Variants in IL17RC observed in about 807,000 individuals in gnomAD.
IL17RC encodes the protein interleukin 17 receptor C.
Under a neutral mutation model 86.7 loss-of-function variants are expected in IL17RC, and 53 were observed. That is an observed-to-expected ratio of 0.61 (90% CI 0.49 to 0.77). The LOEUF (loss-of-function observed/expected upper bound fraction) is 0.77, where lower values mean the gene tolerates loss of function less well. Ranked by LOEUF, IL17RC falls within the 30% of genes least tolerant of loss-of-function variation. IL17RC has a pLI of 0.00. For synonymous variants in IL17RC, 439 were observed against 413.1 expected, an observed-to-expected ratio of 1.06 and a Z score of -0.76; for missense variants, 957 against 940.0, an observed-to-expected ratio of 1.02 and a Z score of -0.24.
Position 9,932,599 on chromosome 3 carries a change from G to A in IL17RC, c.1388-9G>A. 6.2e-7 allele frequency: 1 copy of A among 1,612,730 alleles called. No homozygotes were observed. Among genetic ancestry groups the A allele is most frequent in the Non-Finnish European group, 8.5e-7 (1 of 1,178,722 alleles). ...TAAGTTTCTAACTCTTCTTCTCTGG[G>A]TCTCCCAGACATCCACAAGCGCTGG... On this transcript the variant is annotated splice_polypyrimidine_tract_variant and intron_variant, in intron 16 of 18. Coordinates refer to ENST00000403601, the MANE Select transcript of IL17RC (RefSeq NM_153460.4).
intron 6 of IL17RC, 69 bp downstream of exon 6, chr3:9,920,671 C>A (rs1254057701): frequency 1.8e-6 from 2 of 1,082,598 alleles, no homozygotes; most frequent in African/African-American, 1.6e-5. Flanking sequence ...CCTGATTTCA[C>A]CCTCTTCTAG....
chr3:9,931,475 A>ATATATATATATG (rs1362909688), intron 16 of IL17RC, among the ~76,000 whole-genome samples: 3 of 12,836 alleles, frequency 2.3e-4, no homozygotes, highest in African/African-American at 3.4e-4. Context: ...ACACACATAT[A>ATATATATATATG]TATATATATA....
chr3:9,931,027 A>G, intron 16 of IL17RC, 84 bp downstream of exon 16: 2 of 1,053,214 alleles, frequency 1.9e-6, no homozygotes, highest in Non-Finnish European at 3.0e-6. Flanking sequence ...AGCACATGCA[A>G]TGGCCTTGTC....
chr3:9,929,907 G>A lies in IL17RC; in HGVS notation c.1156+10G>A. 6.2e-7 allele frequency: 1 copy of A among 1,614,134 alleles called. No individual in the cohort carries two copies. The highest frequency in any genetic ancestry group is 8.5e-7 in the Non-Finnish European group (1 of 1,179,994). ...GAGTGCTTGTGGGCTGGTGAGTTGG[G>A]CCTGGGGGCAGCTGGGGCAGGGCCA... On this transcript the variant is annotated intron_variant, in intron 13 of 18. Transcript: ENST00000403601.
chr3:9,927,659 G>C (rs570157490), intron 9 of IL17RC, among the ~76,000 whole-genome samples: 7 of 152,094 alleles, frequency 4.6e-5, no homozygotes, highest in African/African-American at 1.7e-4. Context: ...CTGTTGAATG[G>C]GCCAGGCGCG....
chr3:9,933,404 A>T lies in IL17RC; in HGVS notation c.1974A>T (p.Gln658His). The change falls in exon 19 of 19, where the codon CAA (glutamine) becomes CAT (histidine). Residue 658 changes from glutamine (Q) to histidine (H), a missense_variant. Coordinates refer to ENST00000403601, the MANE Select transcript of IL17RC (RefSeq NM_153460.4). ...TGCCCGTCTTCACACTGCCCTCCCA[A>T]CTGCCAGACTTCCTGGGGGCCCTGC... ...RTVPVFTLPS[Q>H]LPDFLGALQQ... 1 of 1,613,068 alleles carries T rather than the reference A, an allele frequency of 6.2e-7. No individual in the cohort carries two copies. Among genetic ancestry groups the T allele is most frequent in the South Asian group, 1.1e-5 (1 of 91,020 alleles).
At chr3:9,918,104 G>A in intron 3 of IL17RC, 29 bp downstream of exon 3, 1 of 1,552,578 alleles carries the variant, frequency 6.4e-7, no homozygotes, top group Non-Finnish European at 8.7e-7. Context: ...GACAGTGCAT[G>A]TGTACACGTG....
chr3:9,931,470 C>CACACACACACACACACACACACACAT (rs750351615), intron 16 of IL17RC, among the ~76,000 whole-genome samples: 1 of 43,728 alleles, frequency 2.3e-5, no homozygotes, highest in African/African-American at 5.0e-5. Context: ...CACACACACA[C>CACACACACACACACACACACACACAT]ATATATATAT....
Position 9,930,064 on chromosome 3 carries a change from T to G in IL17RC, c.1193T>G (p.Leu398Trp). ...CCTCTCAAAGACGATGTGCTACTGT[T>G]GGAGACACGAGGCCCCCAGGACAAC... ...LGPLKDDVLL[L>W]ETRGPQDNRS... Residue 398 changes from leucine to tryptophan, a missense_variant, in exon 14 of 19, where the codon TTG becomes TGG. Transcript: ENST00000403601. The surrounding 1 kb of genome is among the most constrained non-coding windows in gnomAD (Gnocchi z 5.8). 1.2e-6 allele frequency: 2 copies of G among 1,614,116 alleles called. No individual in the cohort carries two copies. The highest frequency in any genetic ancestry group is 1.7e-6 in the Non-Finnish European group (2 of 1,179,998).
At position 9,917,274 on chromosome 3, in the gene IL17RC, A is replaced by C; in HGVS notation, c.-42A>C. On this transcript the variant is annotated 5_prime_UTR_variant, in exon 1 of 19. Coordinates refer to ENST00000403601, the MANE Select transcript of IL17RC (RefSeq NM_153460.4). ...GTGTCTGCCCCCCTTGGGGGGGGGCAGCACAGGGCCTCAGGCCTGGGTGCC... is the reference window on the plus strand; with the variant it reads ...GTGTCTGCCCCCCTTGGGGGGGGGCCGCACAGGGCCTCAGGCCTGGGTGCC... 6 of 1,455,942 alleles carry C rather than the reference A, an allele frequency of 4.1e-6. No individual in the cohort carries two copies. Among genetic ancestry groups the C allele is most frequent in the Non-Finnish European group, 5.6e-6 (6 of 1,063,074 alleles). 90.2% of individuals were successfully genotyped at this position (1,455,942 alleles called of 1,614,324 possible). A position where few individuals can be genotyped will look rare whatever the true frequency, so the allele number is the denominator to read the frequency against.
At chr3:9,925,340 T>C (rs1025733281) in intron 9 of IL17RC, among the ~76,000 whole-genome samples, 5 of 151,722 alleles carry the variant, frequency 3.3e-5, no homozygotes, top group African/African-American at 9.7e-5. Flanking sequence ...ATGGTCTCGA[T>C]CTCCTGACCT....
At chr3:9,924,060 C>CCGAT in intron 8 of IL17RC, 40 bp downstream of exon 8, 1 of 1,611,798 alleles carries the variant, frequency 6.2e-7, no homozygotes, top group Non-Finnish European at 8.5e-7. Flanking sequence ...CCACTGTAGG[C>CCGAT]CGATGCCTGT....
intron 9 of IL17RC, among the ~76,000 whole-genome samples, chr3:9,927,373 C>T (rs2084181938): frequency 6.7e-6 from 1 of 150,118 alleles, no homozygotes; most frequent in African/African-American, 2.5e-5. Flanking sequence ...CCTGGCCTAA[C>T]ATAGTGAAAC....
Position 9,917,344 on chromosome 3 carries a change from T to C in IL17RC, c.29T>C (p.Leu10Ser). The change falls in exon 1 of 19, where the codon TTG becomes TCG. Residue 10 changes from leucine (L) to serine (S), a missense_variant. Leu to Ser is a moderately radical substitution (Grantham distance 145). Coordinates refer to ENST00000403601, the MANE Select transcript of IL17RC (RefSeq NM_153460.4). ...CCTGTGCCCTGGTTCTTGCTGTCCT[T>C]GGCACTGGGCCGAAGCCCAGTGGTC... Reference protein sequence around the residue: MPVPWFLLSLALGRSPVVLS... With the variant: MPVPWFLLSSALGRSPVVLS... 1 of 1,614,004 alleles carries C rather than the reference T, an allele frequency of 6.2e-7. No individual in the cohort carries two copies. The highest frequency in any genetic ancestry group is 8.5e-7 in the Non-Finnish European group (1 of 1,179,968).
At position 9,932,721 on chromosome 3, in the gene IL17RC, C is replaced by T. The variant is rs1403329868; in HGVS notation, c.1483+18C>T. 1 of 1,613,794 alleles carries T rather than the reference C, an allele frequency of 6.2e-7. No homozygotes were observed. The highest frequency in any genetic ancestry group is 1.3e-5 in the African/African-American group (1 of 74,938). ...CGCGAAAGGTGAGCGCTTCCCGGCT[C>T]CCCATTCCCCTGGGGGAGGACCAGA... On this transcript the variant is annotated intron_variant, in intron 17 of 18. Transcript: ENST00000403601.
rs377173896 is a variant in IL17RC at position 9,924,026 on chromosome 3, G to A, written c.762+6G>A. ...CCCGGTGGCACAAAAACCTGGTGAGGCCTCCCCCTTCCCAAGTCCATTCCC... is the reference window on the plus strand; with the variant it reads ...CCCGGTGGCACAAAAACCTGGTGAGACCTCCCCCTTCCCAAGTCCATTCCC... On this transcript the variant is annotated splice_donor_region_variant and intron_variant, in intron 8 of 18. Coordinates refer to ENST00000403601, the MANE Select transcript of IL17RC (RefSeq NM_153460.4). The A allele has an allele frequency of 3.1e-6, 5 of 1,613,304 alleles. No homozygotes were observed. Among genetic ancestry groups the A allele is most frequent in the Non-Finnish European group, 2.5e-6 (3 of 1,180,026 alleles).
intron 17 of IL17RC, 36 bp downstream of exon 17, chr3:9,932,739 G>A (rs2084873667): frequency 6.2e-7 from 1 of 1,611,490 alleles, no homozygotes. Flanking sequence ...CCCTGGGGGA[G>A]GACCAGAGTG....
rs2084302213 is a variant in IL17RC, at chr3:9,928,316, C to T, written c.889C>T (p.His297Tyr). 1 of 1,605,076 alleles carries T rather than the reference C, an allele frequency of 6.2e-7. No homozygotes were observed. The highest frequency in any genetic ancestry group is 1.3e-5 in the African/African-American group (1 of 74,736). ...ICPFREDPRA[H>Y]QNLWQAARLQ... ...CCCTTTCCTTGCAGACCCCCGCGCA[C>T]ACCAGAACCTCTGGCAAGCCGCCCG... Residue 297 changes from histidine to tyrosine, a missense_variant, in exon 11 of 19, where the codon CAC becomes TAC. His to Tyr is a moderately conservative substitution (Grantham distance 83). Transcript: ENST00000403601.
intron 7 of IL17RC, 51 bp from the exon 8 acceptor site, chr3:9,923,830 G>T: frequency 6.3e-7 from 1 of 1,598,952 alleles, no homozygotes; most frequent in East Asian, 2.2e-5. Context: ...AGTCGGGGAT[G>T]CAGAAGAGGT....
Sources: allele counts gnomAD v4.1 joint callset (sites outside exome capture counted in the v4.1 genomes callset), GRCh38; gene constraint gnomAD v4.1.1; non-coding constraint Gnocchi (gnomAD v3.1); transcripts MANE v1.5; gene names NCBI Gene and HGNC (gene_info 2026-07-23, HGNC 2026-07-21).